Variants in FGF14 observed in about 807,000 individuals in gnomAD.
FGF14 encodes the protein fibroblast growth factor homologous factor 4.
Under a neutral mutation model 25.5 loss-of-function variants are expected in FGF14, and 5 were observed. The ratio of observed to expected loss-of-function variants is 0.20; its 90% CI spans 0.10 to 0.41. The LOEUF (loss-of-function observed/expected upper bound fraction) is 0.41. FGF14 is among the 10% of genes least tolerant of loss of function. The probability of loss-of-function intolerance (pLI) is 1.00; values close to 1 mark genes in which losing one functional copy is unlikely to be tolerated. For synonymous variants in FGF14, 138 were observed against 118.3 expected (o/e 1.17, Z -1.08); for missense variants, 222 against 320.1 (o/e 0.69, Z 2.34).
At chr13:102,211,536 G>C (rs1416938949) in intron 1 of FGF14, among the ~76,000 whole-genome samples, 1 of 152,138 alleles carries the variant, frequency 6.6e-6, no homozygotes, top group African/African-American at 2.4e-5. Flanking sequence ...TGAAGTTAGA[G>C]TTAAGGGGGG....
At chr13:101,734,339 G>A (rs552185360) in intron 3 of FGF14, among the ~76,000 whole-genome samples, 149 of 152,172 alleles carry the variant, frequency 9.8e-4, no homozygotes, top group African/African-American at 3.4e-3. Flanking sequence ...ATTTATAAAA[G>A]CAAGAAAATA....
chr13:102,073,627 G>A (rs943873986), intron 1 of FGF14, among the ~76,000 whole-genome samples: 1 of 149,106 alleles, frequency 6.7e-6, no homozygotes, highest in Non-Finnish European at 1.5e-5. Flanking sequence ...TATAAAATCA[G>A]TGACTCATTC....
At chr13:101,995,737 C>G (rs574497144) in intron 1 of FGF14, among the ~76,000 whole-genome samples, 6 of 152,188 alleles carry the variant, frequency 3.9e-5, no homozygotes. Flanking sequence ...GGAATTCTGC[C>G]TAGAAGAGCT....
intron 1 of FGF14, among the ~76,000 whole-genome samples, chr13:101,907,618 G>T (rs1594682425): frequency 1.3e-5 from 2 of 152,126 alleles, no homozygotes; most frequent in Admixed American, 6.6e-5. Flanking sequence ...AATGGGAGAA[G>T]GATAGTTGCA....
chr13:101,726,641 G>T lies in FGF14; in HGVS notation c.578C>A (p.Ala193Glu). 1 of 1,613,416 alleles carries T rather than the reference G, an allele frequency of 6.2e-7. No homozygotes were observed. Among genetic ancestry groups the T allele is most frequent in the Non-Finnish European group, 8.5e-7 (1 of 1,179,596 alleles). The change falls in exon 4 of 5, where the codon GCA (alanine) becomes GAA (glutamate). Residue 193 changes from alanine to glutamate, a missense_variant. By Grantham distance (107) the Ala-to-Glu change is moderately radical (BLOSUM62 -1). Coordinates refer to ENST00000376143, the MANE Select transcript of FGF14 (RefSeq NM_004115.4). ...KGNRVKKTKPAAHFLPKPLEV... is the reference protein window; with the variant it reads ...KGNRVKKTKPEAHFLPKPLEV... ...CAATGGCTTGGGTAGAAAATGAGCT[G>T]CTGGTTTGGTTTTCTTTACTCTGTT...
intron 3 of FGF14, among the ~76,000 whole-genome samples, chr13:101,776,062 T>C (rs541249698): frequency 1.3e-5 from 2 of 152,290 alleles, no homozygotes; most frequent in African/African-American, 2.4e-5. Flanking sequence ...CATTTTCTTA[T>C]TCACGTGGTG....
At chr13:102,216,432 G>A (rs1163426627) in intron 1 of FGF14, among the ~76,000 whole-genome samples, 1 of 152,142 alleles carries the variant, frequency 6.6e-6, no homozygotes, top group Non-Finnish European at 1.5e-5. Flanking sequence ...AATGTTACAT[G>A]GAAGGCTCTA....
At chr13:102,239,389 A>G (rs935873728) in intron 1 of FGF14, among the ~76,000 whole-genome samples, 4 of 152,208 alleles carry the variant, frequency 2.6e-5, no homozygotes, top group African/African-American at 9.6e-5. Flanking sequence ...TCAAACATTA[A>G]TCTTGTAAGA....
chr13:102,132,262 C>A (rs2046230845), intron 1 of FGF14, among the ~76,000 whole-genome samples: 1 of 152,160 alleles, frequency 6.6e-6, no homozygotes, highest in Non-Finnish European at 1.5e-5. Flanking sequence ...AGATCTTACA[C>A]ACATAACATT....
chr13:102,374,530 A>C (rs538310739), intron 1 of FGF14, among the ~76,000 whole-genome samples: 139 of 151,280 alleles, frequency 9.2e-4, no homozygotes, highest in Non-Finnish European at 1.7e-3. Flanking sequence ...TATTCTTTTT[A>C]TCACTGCAAA....
At chr13:102,150,292 T>C (rs992762241) in intron 1 of FGF14, among the ~76,000 whole-genome samples, 1 of 118,570 alleles carries the variant, frequency 8.4e-6, no homozygotes, top group Non-Finnish European at 1.7e-5. Context: ...TTTGTGTTTT[T>C]AGGTTTTTTT....
At chr13:102,293,434 T>C (rs779651913) in intron 1 of FGF14, 17 of 152,236 alleles carry the variant, frequency 1.1e-4, no homozygotes, top group Non-Finnish European at 2.2e-4. Context: ...GTACTGCATT[T>C]GTCCTGATCA....
At chr13:101,900,181 C>T (rs2031340673) in intron 1 of FGF14, among the ~76,000 whole-genome samples, 1 of 152,058 alleles carries the variant, frequency 6.6e-6, no homozygotes, top group Non-Finnish European at 1.5e-5. Flanking sequence ...TTTAGTGTAG[C>T]TAAAGCCATG....
At chr13:101,913,763 G>A (rs754422783) in intron 1 of FGF14, among the ~76,000 whole-genome samples, 4 of 151,976 alleles carry the variant, frequency 2.6e-5, no homozygotes, top group Non-Finnish European at 5.9e-5. Flanking sequence ...GGATCCCAGT[G>A]TTGCCCACCC....
At chr13:101,990,781 G>A (rs980870258) in intron 1 of FGF14, among the ~76,000 whole-genome samples, 1 of 152,048 alleles carries the variant, frequency 6.6e-6, no homozygotes, top group African/African-American at 2.4e-5. Flanking sequence ...GAGAAAAATG[G>A]CTTAAATAAA....
intron 3 of FGF14, among the ~76,000 whole-genome samples, chr13:101,771,966 C>T (rs760579020): frequency 1.3e-5 from 2 of 151,896 alleles, no homozygotes; most frequent in Non-Finnish European, 2.9e-5. Flanking sequence ...TTTCTGTCTG[C>T]TCTTGATACA....
chr13:101,943,885 C>G (rs1450235157), intron 1 of FGF14, among the ~76,000 whole-genome samples: 1 of 146,252 alleles, frequency 6.8e-6, no homozygotes, highest in Non-Finnish European at 1.5e-5. Context: ...GCCTGTAATC[C>G]CAGGTACTGG....
intron 1 of FGF14, among the ~76,000 whole-genome samples, chr13:102,222,024 C>G (rs557117158): frequency 5.9e-4 from 90 of 152,178 alleles, no homozygotes; most frequent in Non-Finnish European, 1.2e-3. Flanking sequence ...CTTTTTGATT[C>G]TCAAAAACTG....
rs904265654 is a variant in FGF14 at position 101,975,361 on chromosome 13, C to T, written c.209-100065G>A. On this transcript the variant is annotated intron_variant, in intron 1 of 4. Transcript: ENST00000376131. ...AGCTCCACCTTCACCTGGTGAAATT[C>T]GCTTATGCCTGACCCCCCACCATGA... is the stretch of plus-strand genomic sequence containing the variant. Among the ~76,000 whole-genome samples, 15 of 152,226 alleles carry T rather than the reference C, an allele frequency of 9.9e-5. No homozygotes were observed. The South Asian group carries it at 1.2e-3, about 13-fold the overall frequency.
Sources: gnomAD v4.1 joint callset for allele counts (sites outside exome capture counted in the v4.1 genomes callset) on GRCh38, gnomAD v4.1.1 for gene constraint, MANE v1.5 for transcripts, NCBI Gene and HGNC (gene_info 2026-07-23, HGNC 2026-07-21) for gene names.